Variants in DLG2 observed in about 807,000 individuals in gnomAD.
DLG2 encodes the protein disks large homolog 2.
A neutral mutation model predicts 132.5 loss-of-function variants in DLG2; 45 were observed. That is an observed-to-expected ratio of 0.34 (90% CI 0.27 to 0.44). DLG2 has a LOEUF of 0.44. Among genes scored for constraint, DLG2 ranks in the 20% least tolerant of loss-of-function variants. DLG2 has a pLI of 1.00. For missense variants in DLG2, 1,045 were observed against 1,196.9 expected (o/e 0.87, Z 1.87); for synonymous variants, 424 against 419.6 (o/e 1.01, Z -0.13).
At chr11:84,664,190 C>A (rs1175283830) in intron 6 of DLG2, among the ~76,000 whole-genome samples, 4 of 152,028 alleles carry the variant, frequency 2.6e-5, no homozygotes, top group Non-Finnish European at 4.4e-5. Context: ...AATCATAATT[C>A]AATGTTAAAT....
intron 6 of DLG2, among the ~76,000 whole-genome samples, chr11:84,666,370 A>G (rs1177002009): frequency 6.6e-6 from 1 of 152,184 alleles, no homozygotes. Context: ...TGGTCTTTGG[A>G]CTGGAACTGA....
chr11:85,053,603 A>G (rs1024130801), intron 6 of DLG2, among the ~76,000 whole-genome samples: 2 of 145,466 alleles, frequency 1.4e-5, no homozygotes, highest in Admixed American at 1.4e-4. Context: ...CCTGCCTAAC[A>G]CGGTGAAACC....
chr11:83,681,197 G>A (rs960904212), intron 18 of DLG2, among the ~76,000 whole-genome samples: 2 of 152,086 alleles, frequency 1.3e-5, no homozygotes, highest in Non-Finnish European at 2.9e-5. Context: ...TCAAGCTGTC[G>A]GTTTCCATGA....
chr11:83,536,879 T>A (rs1344786860), intron 20 of DLG2, among the ~76,000 whole-genome samples: 3 of 152,190 alleles, frequency 2.0e-5, no homozygotes, highest in Non-Finnish European at 4.4e-5. Flanking sequence ...CAACTTACTT[T>A]CCCGGTAAGA....
intron 7 of DLG2, among the ~76,000 whole-genome samples, chr11:84,318,211 A>G (rs1030701146): frequency 2.0e-5 from 3 of 152,204 alleles, no homozygotes; most frequent in African/African-American, 7.2e-5. Flanking sequence ...CCTTCCAAAG[A>G]GGATTTTTGT....
At chr11:84,444,027 T>A (rs1317357568) in intron 7 of DLG2, among the ~76,000 whole-genome samples, 1 of 152,072 alleles carries the variant, frequency 6.6e-6, no homozygotes, top group Non-Finnish European at 1.5e-5. Flanking sequence ...TTTTTTTAAT[T>A]TACAGTGAAA....
At chr11:84,777,556 C>T (rs894526435) in intron 6 of DLG2, among the ~76,000 whole-genome samples, 15 of 151,482 alleles carry the variant, frequency 9.9e-5, no homozygotes, top group Non-Finnish European at 2.2e-4. Context: ...GACTAATTTA[C>T]GCTCCCACTA....
chr11:83,899,455 C>G (rs1262671889), intron 15 of DLG2, among the ~76,000 whole-genome samples: 1 of 152,158 alleles, frequency 6.6e-6, no homozygotes, highest in Non-Finnish European at 1.5e-5. Context: ...GTGTCCCCAC[C>G]CAATTCTCAC....
intron 7 of DLG2, among the ~76,000 whole-genome samples, chr11:84,353,779 A>G (rs2098595645): frequency 6.6e-6 from 1 of 152,132 alleles, no homozygotes; most frequent in African/African-American, 2.4e-5. Context: ...CTTCTCTCAG[A>G]ATGCAAAGCC....
chr11:83,850,222 C>T (rs552287353), intron 16 of DLG2, among the ~76,000 whole-genome samples: 2 of 150,852 alleles, frequency 1.3e-5, no homozygotes, highest in African/African-American at 2.4e-5. Flanking sequence ...GGCGTGATCC[C>T]GGCTCACTGC....
intron 6 of DLG2, chr11:84,923,601 C>A: frequency 1.0e-6 from 1 of 990,568 alleles, no homozygotes; most frequent in Non-Finnish European, 1.2e-6. Flanking sequence ...AAGAGGAAAC[C>A]CTTCTTCCTT....
intron 5 of DLG2, among the ~76,000 whole-genome samples, chr11:85,125,363 A>G (rs912658889): frequency 1.3e-5 from 2 of 152,198 alleles, no homozygotes; most frequent in African/African-American, 2.4e-5. Flanking sequence ...AAAACCATTT[A>G]CTACAGATGT....
chr11:84,353,529 G>A (rs1246368365), intron 7 of DLG2, among the ~76,000 whole-genome samples: 1 of 152,062 alleles, frequency 6.6e-6, no homozygotes, highest in Non-Finnish European at 1.5e-5. Context: ...CGTCTCTAAT[G>A]AGATTACCTT....
At chr11:84,889,821 A>T (rs1035784995) in intron 6 of DLG2, among the ~76,000 whole-genome samples, 1 of 152,170 alleles carries the variant, frequency 6.6e-6, no homozygotes, top group African/African-American at 2.4e-5. Flanking sequence ...TGATACATCC[A>T]TCCTTGACTC....
At chr11:84,722,959 T>C (rs2062003810) in intron 6 of DLG2, among the ~76,000 whole-genome samples, 1 of 152,184 alleles carries the variant, frequency 6.6e-6, no homozygotes, top group Non-Finnish European at 1.5e-5. Flanking sequence ...AAAACTCTGG[T>C]CTGAGGCCTT....
At chr11:84,558,350 A>C (rs1473468002) in intron 6 of DLG2, among the ~76,000 whole-genome samples, 1 of 152,188 alleles carries the variant, frequency 6.6e-6, no homozygotes, top group African/African-American at 2.4e-5. Flanking sequence ...ATTCTTAGAA[A>C]GTTTATAAAG....
At chr11:83,969,426 T>C (rs1369407210) in intron 12 of DLG2, among the ~76,000 whole-genome samples, 2 of 152,214 alleles carry the variant, frequency 1.3e-5, no homozygotes, top group Non-Finnish European at 2.9e-5. Context: ...CCTAATACAC[T>C]GACCAGTCAA....
At chr11:83,876,697 A>G (rs1431414803) in intron 15 of DLG2, among the ~76,000 whole-genome samples, 1 of 152,110 alleles carries the variant, frequency 6.6e-6, no homozygotes, top group Non-Finnish European at 1.5e-5. Context: ...GCAAATGTGG[A>G]GCCAGAGTCC....
At chr11:85,303,854 A>G (rs2079767790) in intron 3 of DLG2, among the ~76,000 whole-genome samples, 1 of 152,184 alleles carries the variant, frequency 6.6e-6, no homozygotes, top group Admixed American at 6.5e-5. Flanking sequence ...AAGTTCTGCT[A>G]TTTAGTTCTC....
Sources: gnomAD v4.1 joint callset for allele counts (sites outside exome capture counted in the v4.1 genomes callset) on GRCh38, gnomAD v4.1.1 for gene constraint, MANE v1.5 for transcripts, NCBI Gene and HGNC (gene_info 2026-07-23, HGNC 2026-07-21) for gene names.